The following AMZ2 variants were observed in gnomAD, a reference collection of about 807,000 sequenced individuals.
AMZ2 encodes the protein archaelysin family metallopeptidase 2.
AMZ2 carries 26 observed loss-of-function variants against 36.7 expected under a neutral mutation model. That is an observed-to-expected ratio of 0.71 (90% CI 0.52 to 0.98). AMZ2 has a LOEUF of 0.98. Ranked by LOEUF, AMZ2 falls within the 50% of genes least tolerant of loss-of-function variation. The pLI is 0.00. For missense variants in AMZ2, 394 were observed against 430.5 expected, an observed-to-expected ratio of 0.92 and a Z score of 0.75; for synonymous variants, 144 against 149.1, an observed-to-expected ratio of 0.97 and a Z score of 0.25.
In AMZ2 at chr17:68,251,167, C is replaced by T. The variant is rs782586447; in HGVS notation, c.575C>T (p.Ser192Phe). The change falls in exon 4 of 7, where the codon TCT becomes TTT. Residue 192 changes from serine to phenylalanine, a missense_variant. Transcript: ENST00000359904. ...TGGAATTTTGTCTTTGGACAGGCCT[C>T]TTTGACAGATGGTATTCCGTTTTTG... The part of the protein sequence containing the change: ...DSWNFVFGQA[S>F]LTDGVGIFSF... 1.3e-5 allele frequency: 21 copies of T among 1,610,136 alleles called. 1 individual carries two copies. The highest frequency in any genetic ancestry group is 1.1e-5 in the Non-Finnish European group (13 of 1,179,108).
intron 1 of AMZ2, among the ~76,000 whole-genome samples, chr17:68,224,612 C>CAT (rs781977252): frequency 2.0e-5 from 3 of 148,846 alleles, no homozygotes; most frequent in Non-Finnish European, 4.4e-5. Context: ...CTGGTGCAGT[C>CAT]ATAGCTCACT....
At chr17:68,233,915 C>A (rs1307954658) in intron 1 of AMZ2, among the ~76,000 whole-genome samples, 2 of 152,084 alleles carry the variant, frequency 1.3e-5, no homozygotes, top group Non-Finnish European at 2.9e-5. Context: ...TGTGCTGGGT[C>A]ACCCCCAGGT....
chr17:68,244,675 A>G (rs180816581), upstream of AMZ2, among the ~76,000 whole-genome samples: 74 of 152,356 alleles, frequency 4.9e-4, no homozygotes, highest in East Asian at 0.013. Context: ...AGAATGATAA[A>G]GAAATGAGGT....
At chr17:68,229,063 C>T (rs1411589960) in intron 1 of AMZ2, among the ~76,000 whole-genome samples, 1 of 152,092 alleles carries the variant, frequency 6.6e-6, no homozygotes, top group Non-Finnish European at 1.5e-5. Flanking sequence ...TTGGCAGCTG[C>T]CCTTGCTGCC....
At chr17:68,255,044 A>G (rs1426277128) in intron 5 of AMZ2, among the ~76,000 whole-genome samples, 1 of 152,106 alleles carries the variant, frequency 6.6e-6, no homozygotes, top group African/African-American at 2.4e-5. Flanking sequence ...CTTTCTCCAT[A>G]GCCAGAGAGA....
intron 1 of AMZ2, among the ~76,000 whole-genome samples, chr17:68,232,010 C>G (rs535401662): frequency 6.7e-6 from 1 of 148,164 alleles, no homozygotes; most frequent in Non-Finnish European, 1.5e-5. Context: ...ACTGTAGAAC[C>G]AATGCATATG....
rs782220711 is a variant in AMZ2, at chr17:68,236,566, CTTTTTTT to C, written c.-66-12057_-66-12051del. ...ACATTATTAACATTTGGCAAACATC[CTTTTTTT>C]TTTTTTTTTTTTTTTTGAGACGGAT... On this transcript the variant is annotated intron_variant, in intron 1 of 7. Transcript: ENST00000674770. Among the ~76,000 whole-genome samples, 39 of 103,008 alleles carry C rather than the reference CTTTTTTT, an allele frequency of 3.8e-4. 1 individual carries two copies. In the South Asian group the frequency reaches 0.011, roughly 29 times the overall value. The allele number at this position is 103,008 out of a possible 152,430, so 67.6% of individuals were successfully genotyped here.
At position 68,239,064 on chromosome 17, in the gene AMZ2, T is replaced by C. The variant is rs548770455; in HGVS notation, c.-66-9576T>C. ...CTCAGGGTGACTGGGTTCTCAGTTT[T>C]GCTTGTACAGTGCCGTTCAACTTCC... On this transcript the variant is annotated intron_variant, in intron 1 of 7. Transcript: ENST00000674770. 1.7e-4 allele frequency among the ~76,000 whole-genome samples: 26 copies of C among 152,300 alleles called. 1 individual carries two copies. The highest frequency in any genetic ancestry group is 6.3e-4 in the African/African-American group (26 of 41,564).
intron 1 of AMZ2, among the ~76,000 whole-genome samples, chr17:68,225,826 G>T (rs1177844522): frequency 6.6e-6 from 1 of 152,030 alleles, no homozygotes; most frequent in Non-Finnish European, 1.5e-5. Flanking sequence ...ATTTCACCAT[G>T]TTGTCCAGGC....
At chr17:68,213,398 G>A (rs2144496785) in intron 1 of AMZ2, among the ~76,000 whole-genome samples, 1 of 152,328 alleles carries the variant, frequency 6.6e-6, no homozygotes, top group African/African-American at 2.4e-5. Flanking sequence ...AGCTTCTGAA[G>A]TCTTCAAAGC....
At chr17:68,226,523 C>G (rs2073520646) in intron 1 of AMZ2, among the ~76,000 whole-genome samples, 1 of 152,188 alleles carries the variant, frequency 6.6e-6, no homozygotes, top group African/African-American at 2.4e-5. Context: ...AATAGTTTGC[C>G]CCATTGGAGG....
intron 1 of AMZ2, among the ~76,000 whole-genome samples, chr17:68,239,333 T>C (rs1251068495): frequency 2.0e-5 from 3 of 151,798 alleles, no homozygotes; most frequent in South Asian, 2.1e-4. Context: ...CTGAGGGGGG[T>C]CTGTGACCCC....
chr17:68,257,041 C>T lies in AMZ2; in HGVS notation c.*72C>T. On this transcript the variant is annotated 3_prime_UTR_variant, in exon 7 of 7. Coordinates refer to ENST00000359904, the MANE Select transcript of AMZ2 (RefSeq NM_016627.5). ...ATGCTTTCATTTGGGTGGAATACTT[C>T]ATTGGAATAAACTACTGATCTTGTG... The T allele has an allele frequency of 6.7e-7, 1 of 1,492,648 alleles. No homozygotes were observed. Among genetic ancestry groups the T allele is most frequent in the Non-Finnish European group, 9.1e-7 (1 of 1,093,166 alleles). The allele number at this position is 1,492,648 out of a possible 1,614,324, so 92.5% of individuals were successfully genotyped here.
intron 1 of AMZ2, among the ~76,000 whole-genome samples, chr17:68,218,260 A>G (rs527801147): frequency 1.3e-5 from 2 of 152,348 alleles, no homozygotes; most frequent in East Asian, 3.9e-4. Context: ...TTTGCTCTGA[A>G]ATTAGGACCT....
chr17:68,236,566 C>CTTTT (rs782220711), intron 1 of AMZ2, among the ~76,000 whole-genome samples: 46 of 103,008 alleles, frequency 4.5e-4, no homozygotes, highest in Non-Finnish European at 6.1e-4. Flanking sequence ...GGCAAACATC[C>CTTTT]TTTTTTTTTT....
In AMZ2 at chr17:68,248,668, G is replaced by A. The variant is rs2074205759; in HGVS notation, c.-38G>A. ...GGCCCAGACATGTCCGTCCTTGTAA[G>A]TTAAAAGCTTCCATGGGAGCCTTCC... On this transcript the variant is annotated 5_prime_UTR_variant, in exon 1 of 7. Transcript: ENST00000359904. 2 of 986,074 alleles carry A rather than the reference G, an allele frequency of 2.0e-6. No individual in the cohort carries two copies. The highest frequency in any genetic ancestry group is 2.4e-6 in the Non-Finnish European group (2 of 830,152). The allele number at this position is 986,074 out of a possible 1,614,324, so 61.1% of individuals were successfully genotyped here.
rs781830254 is a variant in AMZ2 at position 68,254,429 on chromosome 17, G to GT, written c.613dup (p.Tyr205LeufsTer4). ...GTGTGGGGATATTCAGCTTTGCCAG[G>GT]TATGGCAGTGATTTTTATAGCATGC... On this transcript the variant is annotated frameshift_variant, in exon 5 of 7. Transcript: ENST00000359904. LOFTEE classifies it high-confidence loss of function. 3.7e-5 allele frequency: 59 copies of GT among 1,612,870 alleles called. No individual in the cohort carries two copies. Among genetic ancestry groups the GT allele is most frequent in the Non-Finnish European group, 4.8e-5 (57 of 1,179,942 alleles).
At position 68,256,915 on chromosome 17, in the gene AMZ2, C is replaced by G. The variant is rs782335462; in HGVS notation, c.1029C>G (p.Ala343=). 1 of 1,614,118 alleles carries G rather than the reference C, an allele frequency of 6.2e-7. No individual in the cohort carries two copies. The highest frequency in any genetic ancestry group is 8.5e-7 in the Non-Finnish European group (1 of 1,180,018). ...GGAATTTACCGAAACCCGTGGAAGCCTTTAAGGAATGGAAAGAGTGGATAA... is the reference window on the plus strand; with the variant it reads ...GGAATTTACCGAAACCCGTGGAAGCGTTTAAGGAATGGAAAGAGTGGATAA... ...DNGNLPKPVE[A]FKEWKEWIIK... is the part of the protein sequence containing the mutation. The change falls in exon 7 of 7, where the codon GCC becomes GCG. Residue 343 remains alanine (A), a synonymous_variant. Transcript: ENST00000359904.
chr17:68,254,025 G>C (rs1245606638), intron 4 of AMZ2, among the ~76,000 whole-genome samples: 3 of 152,100 alleles, frequency 2.0e-5, no homozygotes, highest in Admixed American at 1.3e-4. Context: ...GATTACAATC[G>C]TGAGCCACCA....
Sources: gnomAD v4.1 joint callset for allele counts (sites outside exome capture counted in the v4.1 genomes callset) on GRCh38, gnomAD v4.1.1 for gene constraint, MANE v1.5 for transcripts, NCBI Gene and HGNC (gene_info 2026-07-23, HGNC 2026-07-21) for gene names.